The following PAX7 variants were observed in gnomAD, a reference collection of about 807,000 sequenced individuals.
PAX7 encodes paired box protein Pax-7.
A neutral mutation model predicts 50.7 loss-of-function variants in PAX7; 18 were observed. That is an observed-to-expected ratio of 0.36 (90% CI 0.25 to 0.53). The LOEUF is 0.53. Among genes scored for constraint, PAX7 ranks in the 20% least tolerant of loss-of-function variants. PAX7 has a pLI of 0.93. For missense variants in PAX7, 644 were observed against 702.9 expected (o/e 0.92, Z 0.95); for synonymous variants, 310 against 290.4 (o/e 1.07, Z -0.69).
At chr1:18,643,146 G>T (rs947501743) in intron 4 of PAX7, among the ~76,000 whole-genome samples, 1 of 152,326 alleles carries the variant, frequency 6.6e-6, no homozygotes, top group East Asian at 1.9e-4. Flanking sequence ...GCATTCTAGG[G>T]CGCCTTGGGC....
intron 4 of PAX7, among the ~76,000 whole-genome samples, chr1:18,675,631 CAG>C (rs1290530350): frequency 6.6e-6 from 1 of 152,184 alleles, no homozygotes; most frequent in Admixed American, 6.5e-5. Context: ...AACAGCTTTG[CAG>C]AGACTCTTAG....
chr1:18,652,251 C>G (rs76820063), intron 4 of PAX7, among the ~76,000 whole-genome samples: 3,233 of 151,872 alleles, frequency 0.021, 110 homozygotes, highest in African/African-American at 0.069. Context: ...CTCTTCCCCG[C>G]CCCCCCATTG....
chr1:18,725,917 A>G (rs1340961471), intron 7 of PAX7, among the ~76,000 whole-genome samples: 1 of 152,240 alleles, frequency 6.6e-6, no homozygotes, highest in Non-Finnish European at 1.5e-5. Context: ...TGGTGTTTCC[A>G]GATATTTCTA....
chr1:18,738,010 A>G (rs778199961), intron 8 of PAX7, among the ~76,000 whole-genome samples: 3 of 152,188 alleles, frequency 2.0e-5, no homozygotes, highest in Non-Finnish European at 4.4e-5. Context: ...GTGTGGACAC[A>G]TATTCTGTGT....
At chr1:18,664,281 G>C (rs1158289728) in intron 4 of PAX7, among the ~76,000 whole-genome samples, 10 of 152,238 alleles carry the variant, frequency 6.6e-5, no homozygotes, top group African/African-American at 1.2e-4. Flanking sequence ...TTGGAAAGAT[G>C]ATCTCGTGCC....
intron 8 of PAX7, among the ~76,000 whole-genome samples, chr1:18,742,363 A>C (rs1240149361): frequency 6.6e-6 from 1 of 152,070 alleles, no homozygotes; most frequent in Non-Finnish European, 1.5e-5. Context: ...TCACGGTGTT[A>C]GCCAGGATGG....
rs769412183 is a variant in PAX7, at chr1:18,747,525, C to T, written c.*2596C>T. ...CTTGTGTTGGCAACTCGAAACATCA[C>T]CAGAGAGGTGATGTTGAATGAGAGA... On this transcript the variant is annotated 3_prime_UTR_variant, in exon 9 of 9. Coordinates refer to ENST00000420770, the MANE Select transcript of PAX7 (RefSeq NM_001135254.2). The T allele has an allele frequency of 4.7e-6, 1 of 214,386 alleles. No homozygotes were observed. Among genetic ancestry groups the T allele is most frequent in the Non-Finnish European group, 9.4e-6 (1 of 105,942 alleles). The allele number at this position is 214,386 out of a possible 1,614,324, so 13.3% of individuals were successfully genotyped here.
chr1:18,697,524 G>A (rs756895323), intron 5 of PAX7, among the ~76,000 whole-genome samples: 3 of 152,146 alleles, frequency 2.0e-5, no homozygotes, highest in African/African-American at 4.8e-5. Context: ...CCCATTTTAT[G>A]AAGAAACTGG....
intron 4 of PAX7, among the ~76,000 whole-genome samples, chr1:18,643,450 G>T (rs2088289372): frequency 6.6e-6 from 1 of 152,258 alleles, no homozygotes; most frequent in Non-Finnish European, 1.5e-5. Context: ...CGCAGCAGAA[G>T]AGAATCTTGC....
chr1:18,741,704 G>T (rs1931144448), intron 8 of PAX7, among the ~76,000 whole-genome samples: 1 of 152,256 alleles, frequency 6.6e-6, no homozygotes, highest in African/African-American at 2.4e-5. Flanking sequence ...GGAGGCAGCG[G>T]CTGCTGTGAC....
chr1:18,687,599 T>C (rs1481283560), intron 4 of PAX7, among the ~76,000 whole-genome samples: 1 of 152,172 alleles, frequency 6.6e-6, no homozygotes, highest in Non-Finnish European at 1.5e-5. Flanking sequence ...TCTCTTCCCC[T>C]GAGCTTGGCC....
chr1:18,677,254 C>A (rs371593376), intron 4 of PAX7, among the ~76,000 whole-genome samples: 1 of 151,854 alleles, frequency 6.6e-6, no homozygotes, highest in African/African-American at 2.4e-5. Flanking sequence ...GATCTTGTTT[C>A]TAAGGGGGGC....
chr1:18,690,439 C>T (rs1481845597), intron 4 of PAX7, among the ~76,000 whole-genome samples: 3 of 152,192 alleles, frequency 2.0e-5, no homozygotes, highest in African/African-American at 7.2e-5. Context: ...CTGGGAGATG[C>T]CCTGCTAGCA....
In PAX7 at chr1:18,735,475, C is replaced by T. The variant is rs975539535; in HGVS notation, c.1156-157C>T. Among the ~76,000 whole-genome samples, 16 of 152,218 alleles carry T rather than the reference C, an allele frequency of 1.1e-4. No individual in the cohort carries two copies. The highest frequency in any genetic ancestry group is 5.8e-4 in the East Asian group (3 of 5,170). On this transcript the variant is annotated intron_variant, in intron 7 of 8. Transcript: ENST00000420770. This position sits in a 1 kb window ranked among gnomAD's most constrained non-coding sequence, Gnocchi z 4.0. ...AGCAGCCATCCCATGCATGAGGGCA[C>T]GCAAATCAGGTAAACTGAGGACCTC...
Position 18,744,864 on chromosome 1 carries a change from A to C in PAX7, c.1453A>C (p.Met485Leu). 6.4e-7 allele frequency: 1 copy of C among 1,558,860 alleles called. No individual in the cohort carries two copies. The highest frequency in any genetic ancestry group is 8.7e-7 in the Non-Finnish European group (1 of 1,151,082). ...TGTGAGCCTCTCCACCCAGCGTCGC[A>C]TGAAGCTCGGGGAGCACTCTGCTGT... ...KNVSLSTQRR[M>L]KLGEHSAVLG... is the part of the protein sequence containing the mutation. The change falls in exon 9 of 9, where the codon ATG (methionine) becomes CTG (leucine). Residue 485 changes from methionine to leucine, a missense_variant. By Grantham distance (15) the Met-to-Leu change is conservative (BLOSUM62 2). Transcript: ENST00000420770.
intron 4 of PAX7, among the ~76,000 whole-genome samples, chr1:18,686,939 GA>G (rs543329372): frequency 1.4e-3 from 213 of 151,152 alleles, no homozygotes; most frequent in Non-Finnish European, 2.7e-3. Context: ...TGCCCTGGGG[GA>G]CATGCAGTGG....
At chr1:18,715,073 G>C (rs1279410923) in intron 7 of PAX7, among the ~76,000 whole-genome samples, 1 of 152,212 alleles carries the variant, frequency 6.6e-6, no homozygotes, top group African/African-American at 2.4e-5. Flanking sequence ...GCAGGTAGGA[G>C]AGACGGGGGG....
chr1:18,657,781 C>G (rs2088544018), intron 4 of PAX7, among the ~76,000 whole-genome samples: 2 of 152,082 alleles, frequency 1.3e-5, no homozygotes, highest in South Asian at 4.1e-4. Flanking sequence ...TCTCCCCTTC[C>G]CCTTCTTATT....
intron 4 of PAX7, among the ~76,000 whole-genome samples, chr1:18,658,311 C>G (rs547356959): frequency 1.7e-4 from 25 of 148,650 alleles, no homozygotes; most frequent in Non-Finnish European, 3.4e-4. Flanking sequence ...GCTGTGTCTT[C>G]GAGGGACCCC....
Sources: gnomAD v4.1 joint callset for allele counts (sites outside exome capture counted in the v4.1 genomes callset) on GRCh38, gnomAD v4.1.1 for gene constraint, Gnocchi (gnomAD v3.1) non-coding constraint, MANE v1.5 for transcripts, NCBI Gene and HGNC (gene_info 2026-07-23, HGNC 2026-07-21) for gene names.